CCR5AS: variants seen among roughly 807,000 people sequenced by gnomAD.
The protein encoded by CCR5AS is CCR5 antisense RNA.
At chr3:46,369,955 A>G (rs1331825050) in intron 3 of CCR5AS, among the ~76,000 whole-genome samples, 1 of 152,168 alleles carries the variant, frequency 6.6e-6, no homozygotes, top group Non-Finnish European at 1.5e-5. Flanking sequence ...AGCCAAGGTC[A>G]CGGAAGCCCA....
rs376065701 is a variant in CCR5AS, at chr3:46,390,443, A to G, written n.391+2382T>C. Among the ~76,000 whole-genome samples the G allele has an allele frequency of 1.3e-3, 196 of 152,268 alleles. 8 individuals carry two copies. In the South Asian group the frequency reaches 0.04, roughly 31 times the overall value. ...GTTGTAAGGAGAATTTGTAGGCTTT[A>G]AGAGGCCATGTTGAAACAGGCAGGT... On this transcript the variant is annotated intron_variant and non_coding_transcript_variant, in intron 2 of 3. Transcript: ENST00000451485.
chr3:46,381,560 A>T (rs995086946), intron 2 of CCR5AS, among the ~76,000 whole-genome samples: 1 of 152,242 alleles, frequency 6.6e-6, no homozygotes, highest in African/African-American at 2.4e-5. Flanking sequence ...TTGAAACTGC[A>T]TACCGCTGAA....
chr3:46,397,352 G>A (rs1294321367), intron 1 of CCR5AS, among the ~76,000 whole-genome samples: 1 of 152,236 alleles, frequency 6.6e-6, no homozygotes, highest in Admixed American at 6.5e-5. Flanking sequence ...AAAGTTCCTG[G>A]GACTTGGGAG....
chr3:46,397,736 C>T (rs1701973267), intron 1 of CCR5AS, among the ~76,000 whole-genome samples: 1 of 152,150 alleles, frequency 6.6e-6, no homozygotes, highest in Non-Finnish European at 1.5e-5. Context: ...AGGTGAGCAT[C>T]CCCCAGAATA....
intron 1 of CCR5AS, among the ~76,000 whole-genome samples, chr3:46,403,048 G>A (rs1255922353): frequency 6.6e-6 from 1 of 152,140 alleles, no homozygotes; most frequent in Non-Finnish European, 1.5e-5. Context: ...AGCTCCATTC[G>A]TGTTTCCACA....
At chr3:46,385,282 G>A (rs1186734915) in intron 2 of CCR5AS, among the ~76,000 whole-genome samples, 1 of 152,204 alleles carries the variant, frequency 6.6e-6, no homozygotes, top group African/African-American at 2.4e-5. Flanking sequence ...CAAGATGGTA[G>A]TATTGAGACA....
At chr3:46,370,061 C>A (rs1200520164) in intron 3 of CCR5AS, among the ~76,000 whole-genome samples, 1 of 152,108 alleles carries the variant, frequency 6.6e-6, no homozygotes, top group Non-Finnish European at 1.5e-5. Context: ...GCCAAGAGAG[C>A]TTGATATGAC....
chr3:46,396,566 A>G (rs928115099), intron 1 of CCR5AS, among the ~76,000 whole-genome samples: 23 of 152,166 alleles, frequency 1.5e-4, no homozygotes, highest in Non-Finnish European at 2.9e-4. Context: ...CATAGATGGG[A>G]ACAGAGGTGC....
At chr3:46,394,762 A>G (rs1701945777) in intron 1 of CCR5AS, among the ~76,000 whole-genome samples, 1 of 152,194 alleles carries the variant, frequency 6.6e-6, no homozygotes, top group African/African-American at 2.4e-5. Flanking sequence ...AAAATGTAGG[A>G]AGAAAGAAAC....
intron 3 of CCR5AS, among the ~76,000 whole-genome samples, chr3:46,370,128 A>G (rs1414756063): frequency 1.3e-5 from 2 of 152,196 alleles, no homozygotes; most frequent in African/African-American, 2.4e-5. Flanking sequence ...TGTCATGTGG[A>G]AAATTTCTCA....
intron 3 of CCR5AS, among the ~76,000 whole-genome samples, chr3:46,367,607 G>C (rs988815123): frequency 1.3e-5 from 2 of 152,190 alleles, no homozygotes; most frequent in African/African-American, 4.8e-5. Flanking sequence ...ACAGCTTGCT[G>C]TCACCCAGGT....
chr3:46,400,799 T>C lies in CCR5AS; in HGVS notation n.163+6098A>G, dbSNP rs538469496. 5.9e-5 allele frequency among the ~76,000 whole-genome samples: 9 copies of C among 152,222 alleles called. No individual in the cohort carries two copies. In the South Asian group the frequency reaches 1.5e-3, roughly 25 times the overall value. The stretch of plus-strand genomic sequence containing the variant: ...GGGCAACCAGGCAGTCAGTGGATGA[T>C]AGCAGTGAGGTGGAGCAGAGAGCAA... On this transcript the variant is annotated intron_variant and non_coding_transcript_variant, in intron 1 of 3. Transcript: ENST00000451485.
At chr3:46,364,829 A>G (rs1003729566) in exon 4 of CCR5AS, 2 of 152,128 alleles carry the variant, frequency 1.3e-5, no homozygotes, top group Non-Finnish European at 2.9e-5. Context: ...ATTGATTCCA[A>G]CCCCCATAGA....
chr3:46,390,225 A>T (rs1701898220), intron 2 of CCR5AS, among the ~76,000 whole-genome samples: 1 of 152,076 alleles, frequency 6.6e-6, no homozygotes, highest in Non-Finnish European at 1.5e-5. Context: ...GGGAGGAGGG[A>T]TGCAAGGGGA....
chr3:46,368,314 A>T (rs1310771086), intron 3 of CCR5AS, among the ~76,000 whole-genome samples: 1 of 152,256 alleles, frequency 6.6e-6, no homozygotes, highest in African/African-American at 2.4e-5. Flanking sequence ...AACAAGAGCC[A>T]TGCAAACTGA....
chr3:46,394,758 T>C (rs905544129), intron 1 of CCR5AS, among the ~76,000 whole-genome samples: 1 of 152,062 alleles, frequency 6.6e-6, no homozygotes, highest in African/African-American at 2.4e-5. Flanking sequence ...TGAGAAAATG[T>C]AGGAAGAAAG....
At chr3:46,378,727 T>C (rs1268177735) in intron 2 of CCR5AS, among the ~76,000 whole-genome samples, 3 of 152,196 alleles carry the variant, frequency 2.0e-5, no homozygotes, top group Non-Finnish European at 4.4e-5. Context: ...ACAGCTCACA[T>C]TCATCATTTC....
chr3:46,401,428 C>G (rs1244444278), intron 1 of CCR5AS, among the ~76,000 whole-genome samples: 7 of 152,294 alleles, frequency 4.6e-5, no homozygotes, highest in African/African-American at 1.7e-4. Flanking sequence ...GTGACATTTG[C>G]AGGACTGCAA....
At chr3:46,387,690 C>T (rs557536642) in intron 2 of CCR5AS, among the ~76,000 whole-genome samples, 48 of 152,230 alleles carry the variant, frequency 3.2e-4, no homozygotes, top group Admixed American at 1.3e-3. Context: ...GGTTGTGTTA[C>T]GTGCATTCAT....
Sources: gnomAD v4.1 joint callset for allele counts (sites outside exome capture counted in the v4.1 genomes callset) on GRCh38, gnomAD v4.1.1 for gene constraint, MANE v1.5 for transcripts, NCBI Gene and HGNC (gene_info 2026-07-23, HGNC 2026-07-21) for gene names.